MAPK4: variants seen among roughly 807,000 people sequenced by gnomAD.
MAPK4 encodes Erk3-related.
In MAPK4, 22 loss-of-function variants were observed where a neutral mutation model predicts 47.7. The observed-to-expected ratio is 0.46, with a 90% CI of 0.33 to 0.66. The LOEUF is 0.66. Ranked by LOEUF, MAPK4 falls within the 30% of genes least tolerant of loss-of-function variation. The pLI, the probability that MAPK4 is intolerant of heterozygous loss-of-function variation, is 0.02. For missense variants in MAPK4, 736 were observed against 831.7 expected, an observed-to-expected ratio of 0.88 and a Z score of 1.42; for synonymous variants, 390 against 365.7, an observed-to-expected ratio of 1.07 and a Z score of -0.76.
intron 2 of MAPK4, among the ~76,000 whole-genome samples, chr18:50,687,955 G>A (rs1908979307): frequency 6.6e-6 from 1 of 152,192 alleles, no homozygotes. Context: ...GATCAGGACT[G>A]ACCAGGCACG....
chr18:50,715,023 G>A, intron 2 of MAPK4, 56 bp from the exon 3 acceptor site: 4 of 1,572,788 alleles, frequency 2.5e-6, no homozygotes, highest in Non-Finnish European at 3.5e-6. Flanking sequence ...AAGAGGCGTG[G>A]GAGGAAGGGT....
intron 2 of MAPK4, among the ~76,000 whole-genome samples, chr18:50,677,651 A>G (rs1215767323): frequency 1.3e-5 from 2 of 151,906 alleles, no homozygotes; most frequent in African/African-American, 2.4e-5. Context: ...CTCCCAAGCA[A>G]TCCTCCTGCC....
At chr18:50,694,899 T>C (rs1006879780) in intron 2 of MAPK4, among the ~76,000 whole-genome samples, 1 of 152,204 alleles carries the variant, frequency 6.6e-6, no homozygotes, top group African/African-American at 2.4e-5. Flanking sequence ...GTGCTGGGTA[T>C]TGCAGGAGGG....
chr18:50,715,168 G>A lies in MAPK4; in HGVS notation c.636G>A (p.Met212Ile), dbSNP rs368403152. The A allele has an allele frequency of 1.2e-5, 20 of 1,614,220 alleles. No individual in the cohort carries two copies. Among genetic ancestry groups the A allele is most frequent in the Non-Finnish European group, 1.7e-5 (20 of 1,180,044 alleles). ...SPNNYTKAID[M>I]WAAGCILAEM... ...ATAACTACACCAAAGCCATCGACAT[G>A]TGGGCCGCCGGCTGCATCCTGGCTG... The change falls in exon 3 of 6, where the codon ATG becomes ATA. Residue 212 changes from methionine to isoleucine, a missense_variant. Met to Ile is a conservative substitution (Grantham distance 10). Transcript: ENST00000400384.
chr18:50,723,635 G>A (rs1446103781), intron 4 of MAPK4, among the ~76,000 whole-genome samples: 1 of 152,170 alleles, frequency 6.6e-6, no homozygotes, highest in African/African-American at 2.4e-5. Flanking sequence ...GGCCGAGGCG[G>A]GCAGACCTCT....
intron 1 of MAPK4, among the ~76,000 whole-genome samples, chr18:50,639,542 A>T (rs1472457957): frequency 2.6e-5 from 4 of 152,228 alleles, no homozygotes. Context: ...AAAGGAAAAA[A>T]ATTCTGTAAT....
In MAPK4 at chr18:50,596,720, A is replaced by G. The variant is rs563311883; in HGVS notation, c.-871+36477A>G. ...GATAAGGGAAGCACTGCTTGGTAGC[A>G]ATTCATGTCCAAAAGGAAGAGAAAC... On this transcript the variant is annotated intron_variant, in intron 1 of 5. Coordinates refer to ENST00000400384, the MANE Select transcript of MAPK4 (RefSeq NM_002747.4). Among the ~76,000 whole-genome samples the G allele has an allele frequency of 7.9e-5, 12 of 152,374 alleles. No individual in the cohort carries two copies. In the East Asian group the frequency reaches 2.3e-3, roughly 29 times the overall value.
chr18:50,704,753 C>T (rs1281084801), intron 2 of MAPK4: 7 of 398,420 alleles, frequency 1.8e-5, no homozygotes, highest in Admixed American at 4.4e-5. Context: ...TATGTTGTGT[C>T]GTTACCCTCC....
In MAPK4 at chr18:50,731,279, TGG is replaced by T. The variant is rs1335583546; in HGVS notation, c.*1428_*1429del. On this transcript the variant is annotated 3_prime_UTR_variant, in exon 6 of 6. Coordinates refer to ENST00000400384, the MANE Select transcript of MAPK4 (RefSeq NM_002747.4). ...TAGACACAGGCCCTCTGCAGAAGCG[TGG>T]GGTGGGGACACTGACAGCCCCTATC... 1 of 152,090 alleles carries T rather than the reference TGG, an allele frequency of 6.6e-6. No homozygotes were observed. Among genetic ancestry groups the T allele is most frequent in the Non-Finnish European group, 1.5e-5 (1 of 68,036 alleles). The allele number at this position is 152,090 out of a possible 1,614,324, so 9.4% of individuals were successfully genotyped here.
At chr18:50,694,720 G>A (rs1023883490) in intron 2 of MAPK4, among the ~76,000 whole-genome samples, 2 of 152,180 alleles carry the variant, frequency 1.3e-5, no homozygotes, top group Non-Finnish European at 2.9e-5. Flanking sequence ...CATCCAGGAA[G>A]ATTGGGACCT....
intron 1 of MAPK4, among the ~76,000 whole-genome samples, chr18:50,647,239 G>A (rs572299118): frequency 3.9e-5 from 6 of 152,338 alleles, no homozygotes; most frequent in Admixed American, 1.3e-4. Context: ...AGAACTGTCT[G>A]TGGCAGCTGA....
intron 4 of MAPK4, among the ~76,000 whole-genome samples, chr18:50,722,384 C>A (rs1187310551): frequency 1.3e-5 from 2 of 152,168 alleles, no homozygotes; most frequent in African/African-American, 4.8e-5. Context: ...TTCCTTCATC[C>A]TCCCTCACAT....
chr18:50,633,807 A>G (rs918628546), intron 1 of MAPK4, among the ~76,000 whole-genome samples: 1 of 151,994 alleles, frequency 6.6e-6, no homozygotes, highest in Non-Finnish European at 1.5e-5. Context: ...TGTCGGTTTG[A>G]TTTTATCTGT....
intron 1 of MAPK4, among the ~76,000 whole-genome samples, chr18:50,635,530 T>C (rs558356981): frequency 5.9e-5 from 9 of 152,122 alleles, no homozygotes; most frequent in African/African-American, 9.7e-5. Flanking sequence ...GTCCAACCAA[T>C]CCATTCTCCA....
intron 1 of MAPK4, among the ~76,000 whole-genome samples, chr18:50,587,474 G>A (rs893322): frequency 1 from 151,730 of 152,266 alleles, 75,601 homozygotes; most frequent in East Asian, 1. Context: ...ACAGGGAGGG[G>A]TTAAATGTCT....
chr18:50,610,790 T>G (rs1568044344), intron 1 of MAPK4, among the ~76,000 whole-genome samples: 1 of 152,166 alleles, frequency 6.6e-6, no homozygotes, highest in Non-Finnish European at 1.5e-5. Flanking sequence ...TGGGCTTCTA[T>G]CACAGCAAAA....
intron 1 of MAPK4, among the ~76,000 whole-genome samples, chr18:50,609,448 A>G (rs1327111293): frequency 6.6e-6 from 1 of 151,518 alleles, no homozygotes; most frequent in Admixed American, 6.6e-5. Context: ...GGCTGGGGAA[A>G]CTGAGGCTCA....
intron 1 of MAPK4, among the ~76,000 whole-genome samples, chr18:50,644,611 T>A (rs2042971055): frequency 1.3e-5 from 2 of 152,250 alleles, no homozygotes; most frequent in East Asian, 3.9e-4. Flanking sequence ...ATTCCCCGCA[T>A]CGCCAAAATA....
At chr18:50,626,842 G>A (rs1036572977) in intron 1 of MAPK4, among the ~76,000 whole-genome samples, 2 of 152,292 alleles carry the variant, frequency 1.3e-5, no homozygotes, top group South Asian at 2.1e-4. Context: ...GTGACTCTTT[G>A]CGCTTGCACG....
Sources: allele counts gnomAD v4.1 joint callset (sites outside exome capture counted in the v4.1 genomes callset), GRCh38; gene constraint gnomAD v4.1.1; transcripts MANE v1.5; gene names NCBI Gene and HGNC (gene_info 2026-07-23, HGNC 2026-07-21).